CPSF7: variants seen among roughly 807,000 people sequenced by gnomAD.
CPSF7 encodes cleavage and polyadenylation specific factor 7.
In CPSF7, 1 loss-of-function variant was observed where a neutral mutation model predicts 44.3. That is an observed-to-expected ratio of 0.02 (90% confidence interval 0.01 to 0.11). The LOEUF (loss-of-function observed/expected upper bound fraction) is 0.11. CPSF7 is among the 10% of genes least tolerant of loss of function. The pLI, the probability that CPSF7 is intolerant of heterozygous loss-of-function variation, is 1.00. For missense variants in CPSF7, 443 were observed against 607.2 expected, an observed-to-expected ratio of 0.73 and a Z score of 2.84; for synonymous variants, 202 against 222.0, an observed-to-expected ratio of 0.91 and a Z score of 0.80.
rs2135319954 is a variant in CPSF7 at position 61,415,744 on chromosome 11, C to T, written c.979G>A (p.Glu327Lys). ...GPPPSTVSEAEFEDIMKRNRA... is the reference protein window; with the variant it reads ...GPPPSTVSEAKFEDIMKRNRA... ...TTTCGCTTCATGATATCTTCAAATTCGGCTTCACTCACTGTAGAGGGTGGA... is the reference window on the plus strand; with the variant it reads ...TTTCGCTTCATGATATCTTCAAATTTGGCTTCACTCACTGTAGAGGGTGGA... Residue 327 changes from glutamate (E) to lysine (K), a missense_variant, in exon 7 of 10, where the codon GAA (glutamate) becomes AAA (lysine). Coordinates refer to ENST00000439958, the MANE Select transcript of CPSF7 (RefSeq NM_001142565.3). The T allele has an allele frequency of 1.9e-6, 3 of 1,614,114 alleles. No individual in the cohort carries two copies. The highest frequency in any genetic ancestry group is 2.5e-6 in the Non-Finnish European group (3 of 1,179,966).
At chr11:61,408,823 T>A (rs1285192115) in intron 9 of CPSF7, among the ~76,000 whole-genome samples, 1 of 152,222 alleles carries the variant, frequency 6.6e-6, no homozygotes, top group Non-Finnish European at 1.5e-5. Context: ...CAATCTTAAC[T>A]GAACTTCTCC....
intron 1 of CPSF7, 76 bp from the exon 2 acceptor site, chr11:61,429,366 C>T (rs541138809): frequency 4.7e-6 from 4 of 851,834 alleles, no homozygotes; most frequent in Non-Finnish European, 7.9e-6. Context: ...GATTGCTAAC[C>T]TCCCATCTCC....
intron 2 of CPSF7, 125 bp downstream of exon 2, chr11:61,429,057 A>C: frequency 3.5e-6 from 2 of 566,350 alleles, no homozygotes; most frequent in Non-Finnish European, 6.4e-6. Flanking sequence ...GCAGGAGAAA[A>C]ATTTTAGACC....
intron 7 of CPSF7, among the ~76,000 whole-genome samples, chr11:61,413,501 T>C: frequency 6.6e-6 from 1 of 151,840 alleles, no homozygotes; most frequent in Middle Eastern, 3.2e-3. Context: ...CAGTGTGGCA[T>C]GCACCTGTAA....
In CPSF7 at chr11:61,420,524, T is replaced by C. The variant is rs1244815888; in HGVS notation, c.323A>G (p.Tyr108Cys). The C allele has an allele frequency of 5.6e-6, 9 of 1,614,140 alleles. No homozygotes were observed. The highest frequency in any genetic ancestry group is 1.1e-5 in the South Asian group (1 of 91,082). The change falls in exon 4 of 10, where the codon TAT (tyrosine) becomes TGT (cysteine). Residue 108 changes from tyrosine to cysteine, a missense_variant. Transcript: ENST00000439958. Reference sequence around the variant, plus strand: ...TGCAAATTTCAACTCCACCACATCATAGACTCCTATAGAGCGAATAACCTG... The same window carrying C: ...TGCAAATTTCAACTCCACCACATCACAGACTCCTATAGAGCGAATAACCTG... Reference protein sequence around the residue: ...LIQVIRSIGVYDVVELKFAEN... With the variant: ...LIQVIRSIGVCDVVELKFAEN...
intron 5 of CPSF7, 97 bp downstream of exon 5, chr11:61,419,852 T>C (rs1031279592): frequency 4.7e-6 from 7 of 1,479,934 alleles, no homozygotes; most frequent in South Asian, 2.6e-5. Flanking sequence ...ACCCACACTG[T>C]AGGCTAAGCC....
Position 61,410,917 on chromosome 11 carries a change from AG to A in CPSF7, c.*5+20del, listed in dbSNP as rs1192864304. ...TTTAATAAAAAATCCCCCAGCAGCC[AG>A]GAACGGGGCTTCTCCCCACCTTTCT... On this transcript the variant is annotated intron_variant, in intron 9 of 9. Transcript: ENST00000439958. 6.5e-7 allele frequency: 1 copy of A among 1,546,698 alleles called. No homozygotes were observed. The highest frequency in any genetic ancestry group is 1.2e-5 in the South Asian group (1 of 82,438).
chr11:61,422,820 G>A (rs566269879), intron 2 of CPSF7, among the ~76,000 whole-genome samples: 5 of 152,106 alleles, frequency 3.3e-5, no homozygotes, highest in East Asian at 1.9e-4. Context: ...CTACTACTAC[G>A]ATACAGGACC....
chr11:61,414,877 C>G (rs1860171677), intron 7 of CPSF7, among the ~76,000 whole-genome samples: 1 of 152,184 alleles, frequency 6.6e-6, no homozygotes, highest in Non-Finnish European at 1.5e-5. Flanking sequence ...ACAGACTTGC[C>G]TCTTTTTAGG....
chr11:61,429,143 T>C lies in CPSF7; in HGVS notation c.54+39A>G, dbSNP rs1315674278. On this transcript the variant is annotated intron_variant, in intron 2 of 9. Transcript: ENST00000439958. ...AGTTTGCTGAAAATGATTCCTCAGA[T>C]GATCAAGGAAAATCCCAAAGCTCCT... 5.0e-6 allele frequency: 6 copies of C among 1,210,744 alleles called. No individual in the cohort carries two copies. In the African/African-American group the frequency reaches 6.0e-5, roughly 12 times the overall value. 75.0% of individuals were successfully genotyped at this position (1,210,744 alleles called of 1,614,324 possible).
At chr11:61,419,312 G>A (rs1016153334) in intron 5 of CPSF7, among the ~76,000 whole-genome samples, 2 of 152,120 alleles carry the variant, frequency 1.3e-5, no homozygotes, top group East Asian at 1.9e-4. Flanking sequence ...GTGAGCCACC[G>A]CGCCCGGCCT....
At chr11:61,412,055 G>A (rs748165507) in intron 7 of CPSF7, 118 bp from the exon 8 acceptor site, 8 of 801,732 alleles carry the variant, frequency 1.0e-5, no homozygotes, top group Non-Finnish European at 1.6e-5. Context: ...AACAACCGCG[G>A]TAAAAGAGAC....
intron 8 of CPSF7, 43 bp downstream of exon 8, chr11:61,411,726 T>C: frequency 6.4e-7 from 1 of 1,568,482 alleles, no homozygotes; most frequent in East Asian, 2.3e-5. Flanking sequence ...CCTGGAAGAG[T>C]GCTGCTTGGG....
intron 2 of CPSF7, among the ~76,000 whole-genome samples, chr11:61,422,299 TGAC>T (rs1860954810): frequency 6.6e-6 from 1 of 151,680 alleles, no homozygotes; most frequent in African/African-American, 2.4e-5. Flanking sequence ...TGCATTACCA[TGAC>T]ATGTATCTAG....
chr11:61,408,248 A>C (rs891114359), intron 9 of CPSF7, among the ~76,000 whole-genome samples: 5 of 151,740 alleles, frequency 3.3e-5, no homozygotes, highest in African/African-American at 1.2e-4. Context: ...TTTTTAGTAG[A>C]GATGGGGTTT....
chr11:61,418,274 T>C (rs1039175625), intron 5 of CPSF7, among the ~76,000 whole-genome samples: 1 of 152,166 alleles, frequency 6.6e-6, no homozygotes, highest in African/African-American at 2.4e-5. Flanking sequence ...TGACAGAACA[T>C]CAGTGATGAA....
chr11:61,422,929 T>G (rs992499293), intron 2 of CPSF7, among the ~76,000 whole-genome samples: 21 of 151,590 alleles, frequency 1.4e-4, no homozygotes, highest in African/African-American at 4.6e-4. Flanking sequence ...GCCCAAGAGT[T>G]TCAGACCAGC....
chr11:61,426,648 T>G (rs1861374833), intron 2 of CPSF7: 1 of 152,198 alleles, frequency 6.6e-6, no homozygotes, highest in Non-Finnish European at 1.5e-5. Flanking sequence ...CACTGGACAA[T>G]GAGTTCTGCG....
At position 61,420,098 on chromosome 11, in the gene CPSF7, A is replaced by G. The variant is rs755852770; in HGVS notation, c.378-4T>C. 5 of 1,590,572 alleles carry G rather than the reference A, an allele frequency of 3.1e-6. No individual in the cohort carries two copies. Among genetic ancestry groups the G allele is most frequent in the South Asian group, 1.1e-5 (1 of 87,954 alleles). On this transcript the variant is annotated splice_polypyrimidine_tract_variant and splice_region_variant and intron_variant, in intron 4 of 9. Transcript: ENST00000439958. ...GGCTACCACCACCTCAGCATACCTT[A>G]GGAAAGAAAAATTAAAAATGAATGA...
Sources: allele counts gnomAD v4.1 joint callset (sites outside exome capture counted in the v4.1 genomes callset), GRCh38; gene constraint gnomAD v4.1.1; transcripts MANE v1.5; gene names NCBI Gene and HGNC (gene_info 2026-07-23, HGNC 2026-07-21).